Variants in CEP85L observed in about 807,000 individuals in gnomAD.
The protein encoded by CEP85L is centrosomal protein of 85 kDa-like.
CEP85L carries 60 observed loss-of-function variants against 100.3 expected under a neutral mutation model. That is an observed-to-expected ratio of 0.60 (90% CI 0.49 to 0.74). The LOEUF is 0.74. Among genes scored for constraint, CEP85L ranks in the 30% least tolerant of loss-of-function variants. The pLI is 0.00. For synonymous variants in CEP85L, 319 were observed against 322.7 expected (o/e 0.99, Z 0.12); for missense variants, 973 against 936.2 (o/e 1.04, Z -0.51).
chr6:118,540,754 T>TTAAATAAATAAA (rs72219779), intron 3 of CEP85L, among the ~76,000 whole-genome samples: 10 of 147,718 alleles, frequency 6.8e-5, no homozygotes, highest in Admixed American at 1.3e-4. Context: ...AGACCCCATC[T>TTAAATAAATAAA]TAAATAAATA....
chr6:118,709,532 C>CGTGTGTGTTTGT (rs1777713914), intron 1 of CEP85L, among the ~76,000 whole-genome samples: 1 of 87,158 alleles, frequency 1.1e-5, no homozygotes, highest in Non-Finnish European at 2.3e-5. Flanking sequence ...CAACAATTGG[C>CGTGTGTGTTTGT]GTGTGTGTGT....
chr6:118,534,964 G>A (rs1474696540), intron 3 of CEP85L, among the ~76,000 whole-genome samples: 2 of 152,134 alleles, frequency 1.3e-5, no homozygotes, highest in Non-Finnish European at 2.9e-5. Flanking sequence ...AAGTTGCAGT[G>A]AACAACTGCA....
intron 4 of CEP85L, among the ~76,000 whole-genome samples, chr6:118,517,029 TCA>T (rs149066502): frequency 0.46 from 69,932 of 151,566 alleles, 16,554 homozygotes; most frequent in Middle Eastern, 0.56. Context: ...CTTGTTTTCA[TCA>T]GGTTTGTCAA....
intron 2 of CEP85L, among the ~76,000 whole-genome samples, chr6:118,568,113 T>G (rs193153469): frequency 1.1e-3 from 169 of 152,248 alleles, no homozygotes; most frequent in African/African-American, 3.9e-3. Context: ...GAGCTACCAT[T>G]TTTGGGTGAT....
At chr6:118,500,848 TCTA>T (rs1465440786) in intron 5 of CEP85L, among the ~76,000 whole-genome samples, 2 of 152,204 alleles carry the variant, frequency 1.3e-5, no homozygotes, top group Non-Finnish European at 2.9e-5. Context: ...GGACATCTGT[TCTA>T]CTTCTTCTTG....
chr6:118,505,708 A>G (rs994525512), intron 5 of CEP85L, among the ~76,000 whole-genome samples: 6 of 152,202 alleles, frequency 3.9e-5, no homozygotes, highest in African/African-American at 1.4e-4. Flanking sequence ...TATAGAGACC[A>G]TAACAAGTTC....
chr6:118,699,679 T>C (rs1777347467), intron 1 of CEP85L, among the ~76,000 whole-genome samples: 1 of 152,002 alleles, frequency 6.6e-6, no homozygotes, highest in African/African-American at 2.4e-5. Flanking sequence ...CTATTATTAT[T>C]ATTATTACTA....
chr6:118,675,599 T>TAA lies in CEP85L; in HGVS notation c.-27-22793_-27-22792dup, dbSNP rs35388600. Among the ~76,000 whole-genome samples the TAA allele has an allele frequency of 3.9e-4, 58 of 147,124 alleles. No individual in the cohort carries two copies. In the Middle Eastern group the frequency reaches 0.011, roughly 28 times the overall value. On this transcript the variant is annotated intron_variant, in intron 1 of 13. Coordinates refer to the CEP85L transcript ENST00000368488. ...GAAATAAAAATAAGATTGCTAGAAT[T>TAA]AAAAAAAAAAAATGACATGGAAGCT...
At chr6:118,500,292 C>A (rs1775198603) in intron 5 of CEP85L, among the ~76,000 whole-genome samples, 1 of 152,110 alleles carries the variant, frequency 6.6e-6, no homozygotes, top group African/African-American at 2.4e-5. Context: ...GGACCGTGAC[C>A]AACTCAGCAT....
At chr6:118,676,126 G>T (rs1027446012) in intron 1 of CEP85L, among the ~76,000 whole-genome samples, 2 of 151,520 alleles carry the variant, frequency 1.3e-5, no homozygotes, top group Non-Finnish European at 1.5e-5. Flanking sequence ...AATAATAATT[G>T]TATATATTTA....
At chr6:118,530,266 T>C (rs1777216720) in intron 3 of CEP85L, among the ~76,000 whole-genome samples, 1 of 150,678 alleles carries the variant, frequency 6.6e-6, no homozygotes, top group Non-Finnish European at 1.5e-5. Flanking sequence ...TTTCACAGCC[T>C]GCAAACTAAA....
intron 2 of CEP85L, among the ~76,000 whole-genome samples, chr6:118,606,661 C>T (rs1562303616): frequency 6.6e-6 from 1 of 152,234 alleles, no homozygotes; most frequent in African/African-American, 2.4e-5. Context: ...AGACTTCATC[C>T]AGTATTTGTG....
In CEP85L at chr6:118,489,091, A is replaced by T. The variant is rs1243487135; in HGVS notation, c.1437+2595T>A. Among the ~76,000 whole-genome samples, 3 of 152,062 alleles carry T rather than the reference A, an allele frequency of 2.0e-5. No homozygotes were observed. The East Asian group carries it at 5.8e-4, about 29-fold the overall frequency. ...GAGACCAGCCTGGCCAACATGGTGA[A>T]ACCTCGTCTCTACTAAAAATACAAA... is the stretch of plus-strand genomic sequence containing the variant. On this transcript the variant is annotated intron_variant, in intron 6 of 12. Transcript: ENST00000368491.
At chr6:118,487,054 A>T (rs1774235936) in intron 6 of CEP85L, among the ~76,000 whole-genome samples, 1 of 152,142 alleles carries the variant, frequency 6.6e-6, no homozygotes, top group Non-Finnish European at 1.5e-5. Flanking sequence ...AATTGGGTTG[A>T]GCCCTGGAAA....
intron 6 of CEP85L, among the ~76,000 whole-genome samples, chr6:118,489,950 C>A (rs1774438070): frequency 6.6e-6 from 1 of 151,598 alleles, no homozygotes; most frequent in Non-Finnish European, 1.5e-5. Flanking sequence ...CATATATACA[C>A]ATGCACACAC....
At chr6:118,476,169 C>T (rs2114485931) in intron 10 of CEP85L, among the ~76,000 whole-genome samples, 1 of 152,236 alleles carries the variant, frequency 6.6e-6, no homozygotes, top group South Asian at 2.1e-4. Context: ...GTTAAATCCA[C>T]CTTTTACACA....
intron 4 of CEP85L, among the ~76,000 whole-genome samples, chr6:118,522,403 A>C (rs960520433): frequency 6.6e-6 from 1 of 152,156 alleles, no homozygotes; most frequent in Non-Finnish European, 1.5e-5. Flanking sequence ...AGGTATTAAA[A>C]ATACACATCC....
chr6:118,482,075 G>T, intron 7 of CEP85L, 142 bp from the exon 8 acceptor site: 1 of 468,822 alleles, frequency 2.1e-6, no homozygotes, highest in Non-Finnish European at 3.5e-6. Flanking sequence ...TTTATCTAGA[G>T]TATTTAATTC....
At chr6:118,605,380 T>C (rs1274025812) in intron 2 of CEP85L, among the ~76,000 whole-genome samples, 1 of 152,194 alleles carries the variant, frequency 6.6e-6, no homozygotes, top group East Asian at 1.9e-4. Context: ...GCCAAGAGCA[T>C]ACTTCTCCGA....
Sources: gnomAD v4.1 joint callset for allele counts (sites outside exome capture counted in the v4.1 genomes callset) on GRCh38, gnomAD v4.1.1 for gene constraint, MANE v1.5 for transcripts, NCBI Gene and HGNC (gene_info 2026-07-23, HGNC 2026-07-21) for gene names.